Variants in TBC1D5 observed in about 807,000 individuals in gnomAD.
The protein encoded by TBC1D5 is TBC1 domain family member 5.
In TBC1D5, 75 loss-of-function variants were observed where a neutral mutation model predicts 100.3. That is an observed-to-expected ratio of 0.75 (90% CI 0.62 to 0.91). TBC1D5 has a LOEUF of 0.91. Ranked by LOEUF, TBC1D5 falls within the 40% of genes least tolerant of loss-of-function variation. TBC1D5 has a pLI of 0.00. For missense variants in TBC1D5, 910 were observed against 942.4 expected (o/e 0.97, Z 0.45); for synonymous variants, 323 against 325.6 (o/e 0.99, Z 0.09).
At chr3:17,358,041 C>T (rs2091373683) in intron 13 of TBC1D5, among the ~76,000 whole-genome samples, 1 of 152,144 alleles carries the variant, frequency 6.6e-6, no homozygotes, top group African/African-American at 2.4e-5. Flanking sequence ...CCTCCCCCCA[C>T]AACTCACTCC....
chr3:17,630,500 A>G (rs13064378), intron 1 of TBC1D5, among the ~76,000 whole-genome samples: 9,592 of 152,240 alleles, frequency 0.063, 447 homozygotes, highest in Middle Eastern at 0.1. Context: ...ACCACAAACC[A>G]CACCCAATAA....
At chr3:17,464,428 T>A (rs2095268408) in intron 3 of TBC1D5, among the ~76,000 whole-genome samples, 1 of 152,206 alleles carries the variant, frequency 6.6e-6, no homozygotes, top group Non-Finnish European at 1.5e-5. Context: ...TCCTATTTTA[T>A]TCTCTCCTTT....
At chr3:17,189,895 G>C (rs1361224839) in intron 18 of TBC1D5, among the ~76,000 whole-genome samples, 1 of 152,144 alleles carries the variant, frequency 6.6e-6, no homozygotes, top group Non-Finnish European at 1.5e-5. Flanking sequence ...AGATATGATT[G>C]GCTGTATTGT....
intron 18 of TBC1D5, among the ~76,000 whole-genome samples, chr3:17,196,836 CG>C (rs2070755879): frequency 6.6e-6 from 1 of 152,090 alleles, no homozygotes; most frequent in Non-Finnish European, 1.5e-5. Flanking sequence ...GAGTCAGTTC[CG>C]TTATAATGCT....
chr3:17,430,164 A>C (rs1049445817), intron 3 of TBC1D5, among the ~76,000 whole-genome samples: 2 of 151,764 alleles, frequency 1.3e-5, no homozygotes, highest in African/African-American at 4.8e-5. Flanking sequence ...TGTCTTGCTA[A>C]ATGAAAATTT....
intron 13 of TBC1D5, among the ~76,000 whole-genome samples, chr3:17,351,270 C>T (rs2090543506): frequency 6.6e-6 from 1 of 152,124 alleles, no homozygotes; most frequent in South Asian, 2.1e-4. Context: ...ACTATAAAGA[C>T]ACATGCACAT....
intron 18 of TBC1D5, among the ~76,000 whole-genome samples, chr3:17,195,142 T>G (rs149633625): frequency 6.6e-6 from 1 of 152,364 alleles, no homozygotes; most frequent in Non-Finnish European, 1.5e-5. Flanking sequence ...AAAAGGTGTC[T>G]CCTAGAAGTG....
intron 4 of TBC1D5, among the ~76,000 whole-genome samples, chr3:17,417,089 G>C (rs6792747): frequency 0.091 from 13,845 of 152,092 alleles, 1,423 homozygotes; most frequent in African/African-American, 0.26. Context: ...TTATTACTGT[G>C]AACTGAACAA....
chr3:17,345,261 A>T (rs1198252772), intron 13 of TBC1D5, among the ~76,000 whole-genome samples: 3 of 152,232 alleles, frequency 2.0e-5, no homozygotes, highest in Admixed American at 6.5e-5. Context: ...TGGGCAAAGG[A>T]TATGAACAGA....
chr3:17,535,838 C>T (rs1020560231), intron 2 of TBC1D5, among the ~76,000 whole-genome samples: 1 of 151,900 alleles, frequency 6.6e-6, no homozygotes, highest in Admixed American at 6.6e-5. Flanking sequence ...AATGATACTG[C>T]ATAAATGAAA....
chr3:17,675,422 C>T (rs1170694777), intron 1 of TBC1D5, among the ~76,000 whole-genome samples: 1 of 152,048 alleles, frequency 6.6e-6, no homozygotes, highest in Non-Finnish European at 1.5e-5. Context: ...ATTTCCTATC[C>T]TCCTAATCCT....
rs1435555157 is a variant in TBC1D5, at chr3:17,278,136, T to A, written c.1245+13759A>T. ...AAAAGCATCAAGTTTACCAGAGGAA[T>A]GTGGGAGAACTCTGTCATCATAAGG... On this transcript the variant is annotated intron_variant, in intron 15 of 21. Transcript: ENST00000253692. Among the ~76,000 whole-genome samples, 4 of 152,122 alleles carry A rather than the reference T, an allele frequency of 2.6e-5. No homozygotes were observed. In the East Asian group the frequency reaches 7.7e-4, roughly 29 times the overall value.
chr3:17,333,699 G>A (rs1351852421), intron 13 of TBC1D5, among the ~76,000 whole-genome samples: 2 of 152,074 alleles, frequency 1.3e-5, no homozygotes, highest in African/African-American at 2.4e-5. Flanking sequence ...CAAGCAGCAA[G>A]GGCATAGCAT....
chr3:17,435,046 GA>G (rs1356374136), intron 3 of TBC1D5, among the ~76,000 whole-genome samples: 2 of 152,120 alleles, frequency 1.3e-5, no homozygotes, highest in Non-Finnish European at 2.9e-5. Flanking sequence ...TTCCATCTGA[GA>G]CAACCTCAGC....
At chr3:17,390,725 T>C (rs1471984624) in intron 8 of TBC1D5, among the ~76,000 whole-genome samples, 1 of 152,106 alleles carries the variant, frequency 6.6e-6, no homozygotes, top group African/African-American at 2.4e-5. Context: ...CCAAAATAAC[T>C]ATAATATCTT....
intron 2 of TBC1D5, among the ~76,000 whole-genome samples, chr3:17,604,052 C>G (rs1355076632): frequency 6.6e-6 from 1 of 152,124 alleles, no homozygotes; most frequent in Non-Finnish European, 1.5e-5. Context: ...TGGACTGAAC[C>G]CTAATTTTGG....
chr3:17,254,861 AG>A (rs2077501109), intron 16 of TBC1D5, among the ~76,000 whole-genome samples: 1 of 151,954 alleles, frequency 6.6e-6, no homozygotes, highest in African/African-American at 2.4e-5. Flanking sequence ...GAAAGGAAAA[AG>A]GTTGGAGTCA....
chr3:17,312,816 T>C (rs1405702327), intron 13 of TBC1D5, among the ~76,000 whole-genome samples: 4 of 152,210 alleles, frequency 2.6e-5, no homozygotes, highest in Non-Finnish European at 5.9e-5. Context: ...ATAGTCTGAA[T>C]GGAAAGTAGA....
chr3:17,671,934 G>C (rs1461102306), intron 1 of TBC1D5, among the ~76,000 whole-genome samples: 1 of 152,138 alleles, frequency 6.6e-6, no homozygotes, highest in Non-Finnish European at 1.5e-5. Context: ...TTCAATAAAT[G>C]ATCCAGACCT....
Sources: allele counts gnomAD v4.1 joint callset (sites outside exome capture counted in the v4.1 genomes callset), GRCh38; gene constraint gnomAD v4.1.1; transcripts MANE v1.5; gene names NCBI Gene and HGNC (gene_info 2026-07-23, HGNC 2026-07-21).